Variants in SYNDIG1L observed in about 807,000 individuals in gnomAD.
SYNDIG1L encodes synapse differentiation inducing 1 like.
Under a neutral mutation model 20.1 loss-of-function variants are expected in SYNDIG1L, and 13 were observed. That is an observed-to-expected ratio of 0.65 (90% CI 0.42 to 1.03). The LOEUF (loss-of-function observed/expected upper bound fraction) is 1.03, where lower values mean the gene tolerates loss of function less well. SYNDIG1L is among the 50% of genes least tolerant of loss of function. The pLI is 0.00. For synonymous variants in SYNDIG1L, 128 were observed against 129.3 expected (o/e 0.99, Z 0.07); for missense variants, 294 against 305.1 (o/e 0.96, Z 0.27).
intron 1 of SYNDIG1L, among the ~76,000 whole-genome samples, chr14:74,423,446 A>G (rs922253761): frequency 7.9e-5 from 12 of 151,956 alleles, no homozygotes; most frequent in Admixed American, 2.6e-4. Flanking sequence ...CTGTCCATTA[A>G]CTCCAGAGAG....
At chr14:74,417,685 G>C (rs2086187540) in intron 1 of SYNDIG1L, among the ~76,000 whole-genome samples, 1 of 152,162 alleles carries the variant, frequency 6.6e-6, no homozygotes, top group African/African-American at 2.4e-5. Context: ...CTAAAGCCTG[G>C]GCTCTGACTT....
At chr14:74,429,507 C>A (rs2086288754), upstream of SYNDIG1L, among the ~76,000 whole-genome samples, 1 of 152,242 alleles carries the variant, frequency 6.6e-6, no homozygotes, top group Admixed American at 6.5e-5. Context: ...GAGAGGCCTG[C>A]CCCACTACTA....
At chr14:74,469,154 G>A in the SYNDIG1L span, among the ~76,000 whole-genome samples, 1 of 152,130 alleles carries the variant, frequency 6.6e-6, no homozygotes, top group African/African-American at 2.4e-5. Context: ...TGGCAGGACA[G>A]CACCCAGTGC....
At chr14:74,413,651 T>C (rs2086151068) in intron 1 of SYNDIG1L, among the ~76,000 whole-genome samples, 1 of 152,136 alleles carries the variant, frequency 6.6e-6, no homozygotes, top group African/African-American at 2.4e-5. Context: ...AGAAAAAAAT[T>C]AAGTGCATAG....
the SYNDIG1L span, among the ~76,000 whole-genome samples, chr14:74,460,621 T>TGGGCCAG: frequency 6.6e-6 from 1 of 152,160 alleles, no homozygotes; most frequent in Non-Finnish European, 1.5e-5. Context: ...TTCCCTTCCA[T>TGGGCCAG]CCTGGGCCAG....
chr14:74,472,854 G>A, the SYNDIG1L span, among the ~76,000 whole-genome samples: 6 of 152,176 alleles, frequency 3.9e-5, no homozygotes, highest in Non-Finnish European at 7.3e-5. Context: ...ATTGAAAGGA[G>A]ACTGATGTGG....
At chr14:74,470,392 T>G in the SYNDIG1L span, among the ~76,000 whole-genome samples, 2 of 152,044 alleles carry the variant, frequency 1.3e-5, no homozygotes, top group African/African-American at 4.8e-5. Flanking sequence ...GCTCCTGGGG[T>G]GGTTGACTGG....
chr14:74,449,630 A>C, the SYNDIG1L span, among the ~76,000 whole-genome samples: 1 of 151,112 alleles, frequency 6.6e-6, no homozygotes, highest in Non-Finnish European at 1.5e-5. Context: ...AAAAGAAAAA[A>C]GAAAAAAGAA....
chr14:74,477,118 AACACACACAC>A, the SYNDIG1L span, among the ~76,000 whole-genome samples: 39 of 83,148 alleles, frequency 4.7e-4, no homozygotes, highest in African/African-American at 1.8e-3. Flanking sequence ...CCCCATTCCC[AACACACACAC>A]ACACACACAC....
chr14:74,471,718 C>G, the SYNDIG1L span, among the ~76,000 whole-genome samples: 1 of 152,116 alleles, frequency 6.6e-6, no homozygotes, highest in Non-Finnish European at 1.5e-5. Flanking sequence ...ATAGTGCACC[C>G]AGGGCATTGT....
intron 1 of SYNDIG1L, among the ~76,000 whole-genome samples, chr14:74,411,089 C>T (rs996780613): frequency 1.3e-5 from 2 of 152,158 alleles, no homozygotes; most frequent in African/African-American, 4.8e-5. Context: ...CTCCTGCTGT[C>T]CCCCTCCTTG....
At chr14:74,466,766 A>T in the SYNDIG1L span, among the ~76,000 whole-genome samples, 1 of 152,204 alleles carries the variant, frequency 6.6e-6, no homozygotes, top group East Asian at 1.9e-4. Flanking sequence ...CCGGTGGCTA[A>T]AGAGTGTGAT....
chr14:74,457,104 G>A, the SYNDIG1L span, among the ~76,000 whole-genome samples: 1 of 152,192 alleles, frequency 6.6e-6, no homozygotes, highest in African/African-American at 2.4e-5. Flanking sequence ...TTGACAGCCG[G>A]GAAGGCTGGG....
At chr14:74,435,082 CAAAAAAAAAAAAA>C in the SYNDIG1L span, among the ~76,000 whole-genome samples, 3 of 54,974 alleles carry the variant, frequency 5.5e-5, no homozygotes, top group African/African-American at 7.1e-5. Context: ...GACTCCGTCT[CAAAAAAAAAAAAA>C]AAAAAAAAAA....
At chr14:74,415,456 C>A (rs1243756138) in intron 1 of SYNDIG1L, among the ~76,000 whole-genome samples, 4 of 151,996 alleles carry the variant, frequency 2.6e-5, no homozygotes, top group Non-Finnish European at 4.4e-5. Flanking sequence ...GGTTGAGGGA[C>A]CACACTTTAA....
intron 1 of SYNDIG1L, among the ~76,000 whole-genome samples, 159 bp downstream of exon 1, chr14:74,425,753 G>T (rs1566586557): frequency 6.6e-6 from 1 of 152,198 alleles, no homozygotes; most frequent in Non-Finnish European, 1.5e-5. Flanking sequence ...AGGATGAGGG[G>T]TAGGGAGGGA....
the SYNDIG1L span, among the ~76,000 whole-genome samples, chr14:74,444,128 C>T: frequency 3.9e-5 from 6 of 151,974 alleles, no homozygotes; most frequent in African/African-American, 9.7e-5. Flanking sequence ...AGTGTAATGG[C>T]GCGATCTCAG....
Position 74,407,891 on chromosome 14 carries a change from G to C in SYNDIG1L, c.516C>G (p.Cys172Trp). ...LGLTLFSMLC[C>W]FWPLGIAAFY... ...AGGCAGCAATGCCCAGTGGCCAGAA[G>C]CAGCAGAGCATGGAGAAGAGAGTAA... The change falls in exon 3 of 4, where the codon TGC becomes TGG. Residue 172 changes from cysteine to tryptophan, a missense_variant. Transcript: ENST00000331628. 1 of 1,613,792 alleles carries C rather than the reference G, an allele frequency of 6.2e-7. No individual in the cohort carries two copies. The highest frequency in any genetic ancestry group is 8.5e-7 in the Non-Finnish European group (1 of 1,179,880).
At position 74,407,666 on chromosome 14, in the gene SYNDIG1L, A is replaced by C. The variant is rs918961076; in HGVS notation, c.586T>G (p.Phe196Val). 1 of 1,611,690 alleles carries C rather than the reference A, an allele frequency of 6.2e-7. No individual in the cohort carries two copies. Among genetic ancestry groups the C allele is most frequent in the Non-Finnish European group, 8.5e-7 (1 of 1,178,838 alleles). Residue 196 changes from phenylalanine (F) to valine (V), a missense_variant, in exon 4 of 4, where the codon TTC (phenylalanine) becomes GTC (valine). By Grantham distance (50) the Phe-to-Val change is conservative (BLOSUM62 -1). Transcript: ENST00000331628. Reference sequence around the variant, plus strand: ...CGGGAGGTGGTGCTGGCCAGGCGGAAGTCCCCTTTGGAGATGGCCTTGCTG... The same window carrying C: ...CGGGAGGTGGTGCTGGCCAGGCGGACGTCCCCTTTGGAGATGGCCTTGCTG... Reference protein sequence around the residue: ...GTSKAISKGDFRLASTTSRRA... With the variant: ...GTSKAISKGDVRLASTTSRRA...
Sources: allele counts gnomAD v4.1 joint callset (sites outside exome capture counted in the v4.1 genomes callset), GRCh38; gene constraint gnomAD v4.1.1; transcripts MANE v1.5; gene names NCBI Gene and HGNC (gene_info 2026-07-23, HGNC 2026-07-21).